Variants in PHF24 observed in about 807,000 individuals in gnomAD.
The protein encoded by PHF24 is Galpha inhibitory interacting protein.
In PHF24, 25 loss-of-function variants were observed where a neutral mutation model predicts 42.6. That is an observed-to-expected ratio of 0.59 (90% CI 0.43 to 0.82). The LOEUF is 0.82. PHF24 is among the 40% of genes least tolerant of loss of function. PHF24 has a pLI of 0.00. For synonymous variants in PHF24, 185 were observed against 204.8 expected (o/e 0.90, Z 0.83); for missense variants, 470 against 538.1 (o/e 0.87, Z 1.25).
At chr9:34,699,449 C>T in the PHF24 span, among the ~76,000 whole-genome samples, 1 of 152,208 alleles carries the variant, frequency 6.6e-6, no homozygotes, top group African/African-American at 2.4e-5. Context: ...TGGAGCTATA[C>T]TAATTCATGT....
At chr9:34,787,526 C>T in the PHF24 span, among the ~76,000 whole-genome samples, 8 of 152,110 alleles carry the variant, frequency 5.3e-5, no homozygotes, top group Non-Finnish European at 5.9e-5. Flanking sequence ...CTTGAAAGGA[C>T]TAAGGTTTCC....
chr9:34,888,976 T>A, the PHF24 span: 1 of 397,566 alleles, frequency 2.5e-6, no homozygotes, highest in Non-Finnish European at 4.4e-6. Context: ...TTTAAGCTTC[T>A]ATACCACATA....
the PHF24 span, chr9:34,666,179 G>A: frequency 0.93 from 155,674 of 166,650 alleles, 72,972 homozygotes; most frequent in Non-Finnish European, 0.98. Context: ...CCAGGGGCGG[G>A]GTCGGTTGAT....
chr9:34,848,491 T>A, the PHF24 span, among the ~76,000 whole-genome samples: 1 of 152,172 alleles, frequency 6.6e-6, no homozygotes, highest in African/African-American at 2.4e-5. Flanking sequence ...TCTTCTCTCT[T>A]TTCTTCTTTA....
the PHF24 span, among the ~76,000 whole-genome samples, chr9:34,756,693 C>T: frequency 6.6e-6 from 1 of 151,984 alleles, no homozygotes; most frequent in Non-Finnish European, 1.5e-5. Context: ...TTTGGCTATT[C>T]GAGGTCTTCT....
the PHF24 span, among the ~76,000 whole-genome samples, chr9:34,886,826 G>GTATCTATCTATCTATC: frequency 1.2e-3 from 97 of 80,878 alleles, 1 homozygote; most frequent in Admixed American, 2.7e-3. Context: ...ATGTATCTAT[G>GTATCTATCTATCTATC]TATCTATGTA....
the PHF24 span, among the ~76,000 whole-genome samples, chr9:34,689,129 G>T: frequency 6.6e-6 from 1 of 152,114 alleles, no homozygotes; most frequent in Admixed American, 6.6e-5. The surrounding 1 kb of genome is among the most constrained non-coding windows in gnomAD (Gnocchi z 4.1). Context: ...CAGTAGAGCT[G>T]GGCCCTTTGC....
chr9:34,833,260 G>A, the PHF24 span: 2 of 1,550,828 alleles, frequency 1.3e-6, no homozygotes, highest in African/African-American at 1.4e-5. Flanking sequence ...TGTTCACACT[G>A]GCCTCTACCT....
At chr9:34,773,048 C>T in the PHF24 span, among the ~76,000 whole-genome samples, 2,916 of 149,758 alleles carry the variant, frequency 0.019, 105 homozygotes, top group African/African-American at 0.066. Context: ...TGGAGTGCAA[C>T]GGCGCGATCT....
At chr9:34,820,257 G>T in the PHF24 span, among the ~76,000 whole-genome samples, 6 of 151,660 alleles carry the variant, frequency 4.0e-5, no homozygotes, top group Non-Finnish European at 7.4e-5. Flanking sequence ...TTAGGTTAAG[G>T]GGGTACATGT....
chr9:34,710,882 A>C, the PHF24 span, among the ~76,000 whole-genome samples: 1 of 151,940 alleles, frequency 6.6e-6, no homozygotes, highest in Non-Finnish European at 1.5e-5. Flanking sequence ...TTGGCCACCC[A>C]AAGTGCTGGA....
chr9:34,739,567 C>G, the PHF24 span, among the ~76,000 whole-genome samples: 1,824 of 152,218 alleles, frequency 0.012, 42 homozygotes, highest in African/African-American at 0.042. Context: ...GGTGGCGCGT[C>G]TGGAGTTTGT....
the PHF24 span, chr9:34,917,849 G>T: frequency 3.7e-5 from 56 of 1,505,906 alleles, no homozygotes; most frequent in Middle Eastern, 3.2e-3. Flanking sequence ...GTTTCATCTT[G>T]CATCGTGTGT....
At chr9:34,835,902 T>C in the PHF24 span, 3 of 863,674 alleles carry the variant, frequency 3.5e-6, no homozygotes, top group Admixed American at 4.0e-5. Flanking sequence ...AGGAGACCTG[T>C]GATGGACTCC....
rs769555692 is a variant in PHF24, at chr9:34,977,993, C to G, written c.1107-22C>G. On this transcript the variant is annotated intron_variant, in intron 7 of 7. Coordinates refer to ENST00000242315, the Ensembl canonical transcript of PHF24. ...GTGTCTTCAAACCAGCCTCACGACT[C>G]TGTTCTTTGCTTCCACTCCAGATTT... The G allele has an allele frequency of 3.8e-6, 6 of 1,588,036 alleles. No individual in the cohort carries two copies. The South Asian group carries it at 5.5e-5, about 15-fold the overall frequency.
the PHF24 span, among the ~76,000 whole-genome samples, chr9:34,745,523 GA>G: frequency 6.6e-6 from 1 of 151,498 alleles, no homozygotes; most frequent in African/African-American, 2.4e-5. Flanking sequence ...GATGTTAAAG[GA>G]AAAAAACCAG....
chr9:34,796,956 C>A, the PHF24 span, among the ~76,000 whole-genome samples: 1 of 152,202 alleles, frequency 6.6e-6, no homozygotes, highest in Non-Finnish European at 1.5e-5. Context: ...AAACGTCCAT[C>A]CAATGAATGT....
At chr9:34,679,973 G>A in the PHF24 span, among the ~76,000 whole-genome samples, 2 of 150,262 alleles carry the variant, frequency 1.3e-5, no homozygotes, top group African/African-American at 2.5e-5. Flanking sequence ...CAAGATCAGA[G>A]GACCCAGTCA....
chr9:34,852,363 A>G, the PHF24 span, among the ~76,000 whole-genome samples: 1 of 152,194 alleles, frequency 6.6e-6, no homozygotes, highest in African/African-American at 2.4e-5. Context: ...CAGCCCCTAC[A>G]TTGTTCAAAT....
Sources: gnomAD v4.1 joint callset for allele counts (sites outside exome capture counted in the v4.1 genomes callset) on GRCh38, gnomAD v4.1.1 for gene constraint, Gnocchi (gnomAD v3.1) non-coding constraint, MANE v1.5 for transcripts, NCBI Gene and HGNC (gene_info 2026-07-23, HGNC 2026-07-21) for gene names.